Variants in UBAP1L observed in about 807,000 individuals in gnomAD.
UBAP1L encodes the protein ubiquitin-associated protein 1-like.
UBAP1L carries 32 observed loss-of-function variants against 32.1 expected under a neutral mutation model. That is an observed-to-expected ratio of 1.00 (90% CI 0.75 to 1.34). The LOEUF is 1.34. Ranked by LOEUF, UBAP1L falls within the 40% of genes most tolerant of loss-of-function variation. The pLI is 0.00. For missense variants in UBAP1L, 516 were observed against 540.5 expected, an observed-to-expected ratio of 0.95 and a Z score of 0.45; for synonymous variants, 243 against 250.2, an observed-to-expected ratio of 0.97 and a Z score of 0.27.
chr15:65,106,051 C>T, intron 2 of UBAP1L, 45 bp downstream of exon 2: 1 of 1,548,650 alleles, frequency 6.5e-7, no homozygotes, highest in Non-Finnish European at 8.7e-7. Flanking sequence ...GGACTCAGCC[C>T]CAGACCCACA....
At chr15:65,101,467 T>G (rs2087238067) in intron 3 of UBAP1L, 1 of 152,340 alleles carries the variant, frequency 6.6e-6, no homozygotes, top group Non-Finnish European at 1.5e-5. Flanking sequence ...CCTGAAGCCT[T>G]CTCAGCCTAT....
intron 1 of UBAP1L, among the ~76,000 whole-genome samples, chr15:65,109,089 G>A (rs1377778276): frequency 4.6e-5 from 7 of 150,718 alleles, no homozygotes; most frequent in East Asian, 1.9e-4. Context: ...CCTGGGAGAC[G>A]GAGGTTGCAG....
intron 1 of UBAP1L, among the ~76,000 whole-genome samples, chr15:65,109,142 GCGAGACTCTGT>G (rs1239276456): frequency 7.0e-6 from 1 of 142,572 alleles, no homozygotes; most frequent in Non-Finnish European, 1.5e-5. Flanking sequence ...AGGTGACAGA[GCGAGACTCTGT>G]CTCAAAAAAA....
At chr15:65,106,811 T>C (rs1327994081) in intron 1 of UBAP1L, among the ~76,000 whole-genome samples, 2 of 152,102 alleles carry the variant, frequency 1.3e-5, no homozygotes. Flanking sequence ...CAGCTAATTT[T>C]TGTATTTTTA....
chr15:65,093,618 A>C (rs1048028414), intron 5 of UBAP1L, among the ~76,000 whole-genome samples: 2 of 152,124 alleles, frequency 1.3e-5, no homozygotes, highest in Non-Finnish European at 2.9e-5. Context: ...CGCAGCCTGC[A>C]CTTTCCTTCC....
In UBAP1L at chr15:65,107,738, TC is replaced by T. The variant is rs1312970330; in HGVS notation, c.-173-1351del. Reference sequence around the variant, plus strand: ...TGGGCAACAAGAAGGAAACGCTGTCTCAAAAAAAAAAAAAAAAAAAAAGGAA... The same window carrying T: ...TGGGCAACAAGAAGGAAACGCTGTCTAAAAAAAAAAAAAAAAAAAAAGGAA... On this transcript the variant is annotated intron_variant, in intron 1 of 5. Coordinates refer to ENST00000559089, the MANE Select transcript of UBAP1L (RefSeq NM_001163692.2). 9.0e-4 allele frequency among the ~76,000 whole-genome samples: 33 copies of T among 36,672 alleles called. 1 individual carries two copies. The highest frequency in any genetic ancestry group is 2.5e-3 in the African/African-American group (31 of 12,614). 24.1% of individuals were successfully genotyped at this position (36,672 alleles called of 152,430 possible).
intron 5 of UBAP1L, 93 bp from the exon 6 acceptor site, chr15:65,093,324 T>G (rs1207093421): frequency 7.1e-7 from 1 of 1,407,822 alleles, no homozygotes; most frequent in African/African-American, 1.5e-5. Flanking sequence ...CTGCACCTAG[T>G]CCCAAAAAGC....
rs1301280475 is a variant in UBAP1L, at chr15:65,094,565, G to A, written c.921C>T (p.Tyr307=). The A allele has an allele frequency of 1.9e-6, 3 of 1,551,434 alleles. No homozygotes were observed. Among genetic ancestry groups the A allele is most frequent in the Admixed American group, 3.9e-5 (2 of 51,006 alleles). ...GTAACAGGCGGTCACAGGCACTGAG[G>A]TAGCTGAGAAACTGGGCCGGAAGCG... is the stretch of plus-strand genomic sequence containing the variant. ...GRQSLSQFLS[Y]LSACDRLLRQ... Residue 307 remains tyrosine, a synonymous_variant, in exon 5 of 6, where the codon TAC becomes TAT. Coordinates refer to ENST00000559089, the MANE Select transcript of UBAP1L (RefSeq NM_001163692.2). This position sits in a 1 kb window ranked among gnomAD's most constrained non-coding sequence, Gnocchi z 4.2.
At chr15:65,109,580 T>C (rs761434853) in intron 1 of UBAP1L, among the ~76,000 whole-genome samples, 3 of 151,626 alleles carry the variant, frequency 2.0e-5, no homozygotes, top group East Asian at 1.9e-4. Context: ...GGAGAAGATA[T>C]TTGCAACAAA....
At chr15:65,113,887 T>C (rs932411409) in intron 1 of UBAP1L, among the ~76,000 whole-genome samples, 2 of 152,084 alleles carry the variant, frequency 1.3e-5, no homozygotes, top group Non-Finnish European at 2.9e-5. Context: ...TACAAAGTTT[T>C]TTATTTTTTA....
intron 4 of UBAP1L, chr15:65,096,667 G>A (rs1012758120): frequency 6.6e-6 from 1 of 151,364 alleles, no homozygotes; most frequent in African/African-American, 2.4e-5. Context: ...TTCCAAACAC[G>A]TATTCCTCCT....
At chr15:65,099,223 C>T in intron 4 of UBAP1L, 1 of 410,788 alleles carries the variant, frequency 2.4e-6, no homozygotes, top group Non-Finnish European at 4.5e-6. Flanking sequence ...CTGGGAGACA[C>T]TCTTCAGTTG....
intron 3 of UBAP1L, chr15:65,100,525 C>A (rs2087229022): frequency 6.6e-6 from 1 of 152,164 alleles, no homozygotes; most frequent in Non-Finnish European, 1.5e-5. Flanking sequence ...GAACTGGGCA[C>A]ACCAGTTGAA....
At position 65,102,070 on chromosome 15, in the gene UBAP1L, G is replaced by A; in HGVS notation, c.699+36C>T. On this transcript the variant is annotated intron_variant, in intron 3 of 5. Coordinates refer to ENST00000559089, the MANE Select transcript of UBAP1L (RefSeq NM_001163692.2). This position sits in a 1 kb window ranked among gnomAD's most constrained non-coding sequence, Gnocchi z 5.0. ...CCCAGATTATGGGGCCTGGGCTGCTGATTGGCGGCCTTGGAGGGGCGGGCA... is the reference window on the plus strand; with the variant it reads ...CCCAGATTATGGGGCCTGGGCTGCTAATTGGCGGCCTTGGAGGGGCGGGCA... 1.0e-6 allele frequency: 1 copy of A among 1,002,412 alleles called. No homozygotes were observed. The highest frequency in any genetic ancestry group is 4.9e-5 in the South Asian group (1 of 20,312). 62.1% of individuals were successfully genotyped at this position (1,002,412 alleles called of 1,614,324 possible). A position where few individuals can be genotyped will look rare whatever the true frequency, so the allele number is the denominator to read the frequency against.
chr15:65,102,121 G>A lies in UBAP1L; in HGVS notation c.684C>T (p.His228=), dbSNP rs908837216. The change falls in exon 3 of 6, where the codon CAC becomes CAT. Residue 228 remains histidine, a synonymous_variant. Transcript: ENST00000559089. This position sits in a 1 kb window ranked among gnomAD's most constrained non-coding sequence, Gnocchi z 5.0. The part of the protein sequence containing the change: ...TAGAIPPLRS[H]KPTVASLSPY... ...GAATCCTTACCGCGACCGTAGGCTT[G>A]TGGCTCCGCAGCGGGGGGATGGCGC... The A allele has an allele frequency of 5.1e-5, 61 of 1,206,130 alleles. No homozygotes were observed. The highest frequency in any genetic ancestry group is 6.0e-5 in the Non-Finnish European group (58 of 969,886). The allele number at this position is 1,206,130 out of a possible 1,614,324, so 74.7% of individuals were successfully genotyped here. A position where few individuals can be genotyped will look rare whatever the true frequency, so the allele number is the denominator to read the frequency against.
At chr15:65,095,047 C>T (rs1316211553) in intron 4 of UBAP1L, 1 of 164,264 alleles carries the variant, frequency 6.1e-6, no homozygotes, top group African/African-American at 2.4e-5. Flanking sequence ...ACTCCTGAGC[C>T]ACTACTATGC....
chr15:65,102,021 C>G lies in UBAP1L; in HGVS notation c.699+85G>C, dbSNP rs1441809573. On this transcript the variant is annotated intron_variant, in intron 3 of 5. Coordinates refer to ENST00000559089, the MANE Select transcript of UBAP1L (RefSeq NM_001163692.2). The surrounding 1 kb of genome is among the most constrained non-coding windows in gnomAD (Gnocchi z 5.0). ...TGCAGGAGCGCGTGGAGTAGGGGAC[C>G]GAGGCTGCGGGCTGGGCTGGACACC... The G allele has an allele frequency of 1.8e-6, 1 of 545,756 alleles. No homozygotes were observed. The highest frequency in any genetic ancestry group is 2.7e-6 in the Non-Finnish European group (1 of 374,160). 33.8% of individuals were successfully genotyped at this position (545,756 alleles called of 1,614,324 possible). A position where few individuals can be genotyped will look rare whatever the true frequency, so the allele number is the denominator to read the frequency against.
intron 1 of UBAP1L, among the ~76,000 whole-genome samples, chr15:65,113,443 CAATT>C (rs2087382274): frequency 2.0e-5 from 3 of 152,194 alleles, no homozygotes; most frequent in Admixed American, 1.3e-4. Flanking sequence ...TGCTTCCCCA[CAATT>C]AATTAAAAGC....
Position 65,102,521 on chromosome 15 carries a change from C to CT in UBAP1L, c.283dup (p.Arg95LysfsTer16). On this transcript the variant is annotated frameshift_variant, in exon 3 of 6. Transcript: ENST00000559089. LOFTEE classifies it high-confidence loss of function. The surrounding 1 kb of genome is among the most constrained non-coding windows in gnomAD (Gnocchi z 5.0). ...CTCCTGGTGTCCGGCCTCCGGGTCT[C>CT]TGATTGTGGTGGGCGCAGGCGCCAG... The CT allele has an allele frequency of 1.3e-6, 2 of 1,490,098 alleles. No homozygotes were observed. The highest frequency in any genetic ancestry group is 2.6e-5 in the East Asian group (1 of 37,796). The allele number at this position is 1,490,098 out of a possible 1,614,324, so 92.3% of individuals were successfully genotyped here.
Sources: allele counts gnomAD v4.1 joint callset (sites outside exome capture counted in the v4.1 genomes callset), GRCh38; gene constraint gnomAD v4.1.1; non-coding constraint Gnocchi (gnomAD v3.1); transcripts MANE v1.5; gene names NCBI Gene and HGNC (gene_info 2026-07-23, HGNC 2026-07-21).